The following FAM53A variants were observed in gnomAD, a reference collection of about 807,000 sequenced individuals.
FAM53A encodes protein FAM53A.
A neutral mutation model predicts 26.6 loss-of-function variants in FAM53A; 28 were observed. The ratio of observed to expected loss-of-function variants is 1.05; its 90% CI spans 0.78 to 1.45. FAM53A has a LOEUF of 1.45. Ranked by LOEUF, FAM53A falls within the 40% of genes most tolerant of loss-of-function variation. The pLI, the probability that FAM53A is intolerant of heterozygous loss-of-function variation, is 0.00. For missense variants in FAM53A, 650 were observed against 575.8 expected (o/e 1.13, Z -1.32); for synonymous variants, 290 against 253.1 (o/e 1.15, Z -1.38).
the FAM53A span, among the ~76,000 whole-genome samples, chr4:1,606,846 C>A: frequency 1.3e-5 from 2 of 152,222 alleles, no homozygotes; most frequent in South Asian, 4.2e-4. Flanking sequence ...TTTCCACTCC[C>A]TTGGGCCTGT....
chr4:1,649,835 G>T (rs1311480365), intron 4 of FAM53A, among the ~76,000 whole-genome samples: 3 of 150,192 alleles, frequency 2.0e-5, no homozygotes, highest in Non-Finnish European at 4.5e-5. Context: ...TTGTGAGGTG[G>T]CTCAGGTGTG....
chr4:1,596,019 G>C, the FAM53A span, among the ~76,000 whole-genome samples: 1 of 152,250 alleles, frequency 6.6e-6, no homozygotes, highest in Non-Finnish European at 1.5e-5. Context: ...GGCCACAAGA[G>C]TGGCCGTCCA....
chr4:1,630,456 G>A lies in FAM53A; in HGVS notation c.432-12345C>T, dbSNP rs74493175. 0.023 allele frequency among the ~76,000 whole-genome samples: 3,438 copies of A among 152,336 alleles called. 103 individuals are homozygous for A. Among genetic ancestry groups the A allele is most frequent in the African/African-American group, 0.058 (2,405 of 41,574 alleles). On this transcript the variant is annotated intron_variant, in intron 1 of 1. Transcript: ENST00000489029. The surrounding 1 kb of genome is among the most constrained non-coding windows in gnomAD (Gnocchi z 4.3). ...CGTCTGTATGTGGCCAGTGGGCCGC[G>A]GTTTGCCGACCCCCAACTCATGGAT...
In FAM53A at chr4:1,661,655, G is replaced by A. The variant is rs1481032865; in HGVS notation, c.76-4187C>T. Among the ~76,000 whole-genome samples the A allele has an allele frequency of 1.2e-4, 8 of 66,896 alleles. No individual in the cohort carries two copies. The East Asian group carries it at 1.4e-3, about 12-fold the overall frequency. 43.9% of individuals were successfully genotyped at this position (66,896 alleles called of 152,430 possible). On this transcript the variant is annotated intron_variant, in intron 2 of 4. Coordinates refer to ENST00000308132, the MANE Select transcript of FAM53A (RefSeq NM_001174070.3). Reference sequence around the variant, plus strand: ...TTGCCCACCCCAACATTAAGACCCCGCCCATCTTCCAGCACTCAGCCACCA... The same window carrying A: ...TTGCCCACCCCAACATTAAGACCCCACCCATCTTCCAGCACTCAGCCACCA...
intron 2 of FAM53A, among the ~76,000 whole-genome samples, chr4:1,658,297 G>A (rs1713565584): frequency 6.6e-6 from 1 of 152,212 alleles, no homozygotes; most frequent in African/African-American, 2.4e-5. Context: ...TGGAATTACA[G>A]GTGTGAGCCA....
At position 1,630,286 on chromosome 4, in the gene FAM53A, G is replaced by A. The variant is rs1329027154; in HGVS notation, c.432-12175C>T. On this transcript the variant is annotated intron_variant, in intron 1 of 1. Transcript: ENST00000489029. This position sits in a 1 kb window ranked among gnomAD's most constrained non-coding sequence, Gnocchi z 4.3. ...TGTCCTCTGAGCTGCCCGTGACCAGGGGGTCAGAGCCCACCTTGGTGTTGT... is the reference window on the plus strand; with the variant it reads ...TGTCCTCTGAGCTGCCCGTGACCAGAGGGTCAGAGCCCACCTTGGTGTTGT... Among the ~76,000 whole-genome samples, 3 of 152,242 alleles carry A rather than the reference G, an allele frequency of 2.0e-5. No homozygotes were observed. The highest frequency in any genetic ancestry group is 4.4e-5 in the Non-Finnish European group (3 of 68,044).
In FAM53A at chr4:1,641,442, G is replaced by A. The variant is rs1711709934; in HGVS notation, c.1048C>T (p.Pro350Ser). ...QRGLRTSPVH[P>S]NLWASRESVT... ...GACTCCCTAGAGGCCCACAGGTTGG[G>A]GTGGACAGGGCTGGTCCTGAGGCCC... Residue 350 changes from proline to serine, a missense_variant, in exon 5 of 5, where the codon CCC (proline) becomes TCC (serine). Pro to Ser is a moderately conservative substitution (Grantham distance 74, BLOSUM62 -1). Coordinates refer to ENST00000308132, the MANE Select transcript of FAM53A (RefSeq NM_001174070.3). 1.9e-6 allele frequency: 3 copies of A among 1,613,598 alleles called. 1 individual carries two copies. In the African/African-American group the frequency reaches 4.0e-5, roughly 22 times the overall value.
At chr4:1,584,701 A>C in the FAM53A span, among the ~76,000 whole-genome samples, 1 of 152,246 alleles carries the variant, frequency 6.6e-6, no homozygotes, top group African/African-American at 2.4e-5. Flanking sequence ...ACAAATGCTT[A>C]CATGTGGCCC....
chr4:1,660,184 G>C (rs1411967975), intron 2 of FAM53A, among the ~76,000 whole-genome samples: 1 of 152,160 alleles, frequency 6.6e-6, no homozygotes, highest in Non-Finnish European at 1.5e-5. Context: ...TTGGGAGGCT[G>C]AGGCAGGGGA....
At chr4:1,600,972 G>A in the FAM53A span, among the ~76,000 whole-genome samples, 1 of 152,284 alleles carries the variant, frequency 6.6e-6, no homozygotes, top group East Asian at 1.9e-4. Flanking sequence ...GCCCAGCCCT[G>A]GAGGGAGGGG....
chr4:1,676,241 C>A (rs903011399), intron 1 of FAM53A, among the ~76,000 whole-genome samples: 2 of 152,160 alleles, frequency 1.3e-5, no homozygotes, highest in African/African-American at 2.4e-5. Flanking sequence ...TGGGGAGGGA[C>A]TGATCAGGCC....
chr4:1,655,583 G>C lies in FAM53A; in HGVS notation c.277C>G (p.Pro93Ala), dbSNP rs1369174105. The part of the protein sequence containing the change: ...GLQWQPQSPR[P>A]GAGLGAASTV... Reference sequence around the variant, plus strand: ...CTGGCTGCACCCAGGCCTGCGCCTGGGCGCGGGGACTGTGGCTGCCACTGA... The same window carrying C: ...CTGGCTGCACCCAGGCCTGCGCCTGCGCGCGGGGACTGTGGCTGCCACTGA... Residue 93 changes from proline to alanine, a missense_variant, in exon 4 of 5, where the codon CCA becomes GCA. Coordinates refer to ENST00000308132, the MANE Select transcript of FAM53A (RefSeq NM_001174070.3). 2 of 1,584,332 alleles carry C rather than the reference G, an allele frequency of 1.3e-6. No homozygotes were observed. Among genetic ancestry groups the C allele is most frequent in the South Asian group, 2.3e-5 (2 of 88,620 alleles).
chr4:1,627,504 G>A (rs1431100601), intron 1 of FAM53A, among the ~76,000 whole-genome samples: 3 of 152,148 alleles, frequency 2.0e-5, no homozygotes, highest in Non-Finnish European at 4.4e-5. Context: ...TCCCCTGCTT[G>A]GAGCCCACCT....
intron 1 of FAM53A, among the ~76,000 whole-genome samples, chr4:1,678,102 C>A (rs888369883): frequency 6.6e-6 from 1 of 152,118 alleles, no homozygotes; most frequent in Admixed American, 6.6e-5. Flanking sequence ...CCAGGCACAG[C>A]GGCTCACAAC....
intron 1 of FAM53A, among the ~76,000 whole-genome samples, chr4:1,682,772 T>C (rs111860840): frequency 0.018 from 2,787 of 151,874 alleles, 94 homozygotes; most frequent in African/African-American, 0.065. Flanking sequence ...CCTCTATAAC[T>C]AGAAATGCAT....
rs1425530588 is a variant in FAM53A, at chr4:1,655,421, G to C, written c.439C>G (p.Pro147Ala). The change falls in exon 4 of 5, where the codon CCA becomes GCA. Residue 147 changes from proline to alanine, a missense_variant. Transcript: ENST00000308132. ...WRPGSSKVWT[P>A]VSKRRCDSGG... ...CTGTCGCACCGCCTCTTGGAGACTG[G>C]AGTCCAGACCTTGGAGCTGCCGGGG... 6.7e-7 allele frequency: 1 copy of C among 1,493,356 alleles called. No individual in the cohort carries two copies. Among genetic ancestry groups the C allele is most frequent in the Non-Finnish European group, 8.9e-7 (1 of 1,122,562 alleles). 92.5% of individuals were successfully genotyped at this position (1,493,356 alleles called of 1,614,324 possible).
At chr4:1,660,207 C>T (rs974304365) in intron 2 of FAM53A, among the ~76,000 whole-genome samples, 94 of 151,306 alleles carry the variant, frequency 6.2e-4, no homozygotes, top group African/African-American at 2.1e-3. Context: ...CGCGTGAACC[C>T]GGGAGGCAGA....
intron 2 of FAM53A, among the ~76,000 whole-genome samples, chr4:1,660,017 C>T (rs975592675): frequency 2.0e-5 from 3 of 152,154 alleles, no homozygotes; most frequent in African/African-American, 7.2e-5. Context: ...GACTTCAGGG[C>T]TGGGCACGGG....
At chr4:1,614,454 C>G (rs551631107), downstream of FAM53A, among the ~76,000 whole-genome samples, 408 of 80,938 alleles carry the variant, frequency 5.0e-3, 7 homozygotes, top group African/African-American at 8.0e-3. Context: ...ACATGAGGGG[C>G]ATGCAGAGAC....
Sources: gnomAD v4.1 joint callset for allele counts (sites outside exome capture counted in the v4.1 genomes callset) on GRCh38, gnomAD v4.1.1 for gene constraint, Gnocchi (gnomAD v3.1) non-coding constraint, MANE v1.5 for transcripts, NCBI Gene and HGNC (gene_info 2026-07-23, HGNC 2026-07-21) for gene names.